DUS3L: variants seen among roughly 807,000 people sequenced by gnomAD.
DUS3L encodes the protein tRNA-dihydrouridine(47) synthase [NAD(P)(+)]-like.
DUS3L carries 62 observed loss-of-function variants against 74.6 expected under a neutral mutation model. The observed-to-expected ratio is 0.83, with a 90% CI of 0.68 to 1.03. DUS3L has a LOEUF of 1.03. Ranked by LOEUF, DUS3L falls within the 50% of genes least tolerant of loss-of-function variation. The pLI is 0.00. For synonymous variants in DUS3L, 433 were observed against 395.7 expected, an observed-to-expected ratio of 1.09 and a Z score of -1.12; for missense variants, 884 against 924.4, an observed-to-expected ratio of 0.96 and a Z score of 0.57.
At position 5,790,862 on chromosome 19, in the gene DUS3L, C is replaced by G. The variant is rs372946353; in HGVS notation, c.98+182G>C. On this transcript the variant is annotated intron_variant, in intron 1 of 12. Coordinates refer to ENST00000309061, the MANE Select transcript of DUS3L (RefSeq NM_020175.3). ...GGTGTCCTTCGCGCATGTGACAGGC[C>G]CCAACGTGCACGATCTCAGGTACCT... 1.7e-4 allele frequency: 110 copies of G among 637,204 alleles called. 1 individual carries two copies. The African/African-American group carries it at 1.9e-3, about 11-fold the overall frequency. The allele number at this position is 637,204 out of a possible 1,614,324, so 39.5% of individuals were successfully genotyped here.
chr19:5,788,702 GCT>G (rs2056879064), intron 3 of DUS3L, among the ~76,000 whole-genome samples: 1 of 144,146 alleles, frequency 6.9e-6, no homozygotes, highest in Admixed American at 6.9e-5. Flanking sequence ...AGTGTGTCCA[GCT>G]CTTTTTTTTT....
intron 1 of DUS3L, 97 bp from the exon 2 acceptor site, chr19:5,790,432 C>T (rs1371518237): frequency 4.1e-6 from 6 of 1,456,988 alleles, no homozygotes; most frequent in Non-Finnish European, 4.7e-6. Flanking sequence ...AATCCTTCTG[C>T]TGATGGGGAG....
rs2056846795 is a variant in DUS3L at position 5,786,786 on chromosome 19, C to T, written c.1449G>A (p.Glu483=). The part of the protein sequence containing the change: ...YTKLADWQYI[E]ECVQAASPMP... ...TGGGGCTGGCGGCCTGCACGCACTC[C>T]TCGATGTACTGCCAGTCGGCTAGCT... The change falls in exon 9 of 13, where the codon GAG becomes GAA. Residue 483 remains glutamate (E), a synonymous_variant. Transcript: ENST00000309061. 1.2e-6 allele frequency: 2 copies of T among 1,612,126 alleles called. No homozygotes were observed. The highest frequency in any genetic ancestry group is 1.7e-5 in the Admixed American group (1 of 59,956).
Position 5,788,387 on chromosome 19 carries a change from A to C in DUS3L, c.912T>G (p.Arg304=). Residue 304 remains arginine, a synonymous_variant, in exon 4 of 13, where the codon CGT becomes CGG. Transcript: ENST00000309061. ...RPCEKKRLDI[R]GKLYLAPLTT... ...TGAGGGGGGCCAGGTAAAGTTTGCCACGGATGTCCAGCTGGAGGGAAAAAA... is the reference window on the plus strand; with the variant it reads ...TGAGGGGGGCCAGGTAAAGTTTGCCCCGGATGTCCAGCTGGAGGGAAAAAA... 1 of 1,613,576 alleles carries C rather than the reference A, an allele frequency of 6.2e-7. No individual in the cohort carries two copies. Among genetic ancestry groups the C allele is most frequent in the Non-Finnish European group, 8.5e-7 (1 of 1,179,942 alleles).
intron 5 of DUS3L, 27 bp from the exon 6 acceptor site, chr19:5,787,732 A>G: frequency 6.2e-7 from 1 of 1,607,852 alleles, no homozygotes. Context: ...GCAGAACAGG[A>G]GGGTGAGGGG....
rs1465364208 is a variant in DUS3L at position 5,787,151 on chromosome 19, A to G, written c.1299T>C (p.Thr433=). ...CCTGGACGCCTGTGCGGATCTTCAC[A>G]GTCAGCGGCACATCCAGCACCTACA... ...GMNQVLDVPL[T]VKIRTGVQER... is the part of the protein sequence containing the mutation. Residue 433 remains threonine (T), a synonymous_variant, in exon 8 of 13, where the codon ACT becomes ACC. Coordinates refer to ENST00000309061, the MANE Select transcript of DUS3L (RefSeq NM_020175.3). The G allele has an allele frequency of 1.0e-6, 1 of 959,716 alleles. No individual in the cohort carries two copies. Among genetic ancestry groups the G allele is most frequent in the Non-Finnish European group, 1.2e-6 (1 of 822,052 alleles). The allele number at this position is 959,716 out of a possible 1,614,324, so 59.5% of individuals were successfully genotyped here.
At position 5,789,600 on chromosome 19, in the gene DUS3L, G is replaced by A. The variant is rs752986011; in HGVS notation, c.507C>T (p.Gly169=). The stretch of plus-strand genomic sequence containing the variant: ...GGCAGGTCACGCCGTAGGGGCACCG[G>A]CCGAAGGTCTCGAAGAGCACGCAGC... ...GPRCVLFETF[G]RCPYGVTCRF... Residue 169 remains glycine, a synonymous_variant, in exon 3 of 13, where the codon GGC becomes GGT. Transcript: ENST00000309061. 1 of 1,589,398 alleles carries A rather than the reference G, an allele frequency of 6.3e-7. No homozygotes were observed. Among genetic ancestry groups the A allele is most frequent in the South Asian group, 1.1e-5 (1 of 87,900 alleles).
intron 9 of DUS3L, 26 bp downstream of exon 9, chr19:5,786,723 G>A: frequency 6.2e-7 from 1 of 1,607,226 alleles, no homozygotes; most frequent in South Asian, 1.1e-5. Context: ...GTAGGGGAGA[G>A]GGAGGTGGCT....
intron 2 of DUS3L, 30 bp from the exon 3 acceptor site, chr19:5,789,749 G>A (rs1180113454): frequency 2.5e-6 from 4 of 1,575,638 alleles, no homozygotes; most frequent in Non-Finnish European, 3.4e-6. Context: ...CAGTGAGGGA[G>A]GACAGGGAGA....
At position 5,785,762 on chromosome 19, in the gene DUS3L, G is replaced by A. The variant is rs201456382; in HGVS notation, c.1592C>T (p.Thr531Met). The change falls in exon 11 of 13, where the codon ACG (threonine) becomes ATG (methionine). Residue 531 changes from threonine (T) to methionine (M), a missense_variant. Coordinates refer to ENST00000309061, the MANE Select transcript of DUS3L (RefSeq NM_020175.3). ...CCAGTGCCGCTGCTCCTTGATCTCC[G>A]TGAAGAGCCACGGCTTGAGCAGGGC... is the stretch of plus-strand genomic sequence containing the variant. ...RGALLKPWLF[T>M]EIKEQRHWDI... 326 of 1,608,226 alleles carry A rather than the reference G, an allele frequency of 2.0e-4. 4 individuals are homozygous for A. In the South Asian group the frequency reaches 2.9e-3, roughly 14 times the overall value.
chr19:5,786,229 G>A (rs1051949542), intron 10 of DUS3L, among the ~76,000 whole-genome samples: 4 of 152,170 alleles, frequency 2.6e-5, no homozygotes, highest in Admixed American at 6.5e-5. Context: ...GATTACAGGC[G>A]TGAGCCACAC....
intron 5 of DUS3L, 36 bp downstream of exon 5, chr19:5,787,988 C>G: frequency 6.2e-7 from 1 of 1,607,006 alleles, no homozygotes; most frequent in Admixed American, 1.7e-5. Flanking sequence ...CGGCCGAGGG[C>G]CCCTCCACTC....
rs756421679 is a variant in DUS3L at position 5,787,660 on chromosome 19, GCAGCTCGGCA to G, written c.1131_1140del (p.Ala378Ter). On this transcript the variant is annotated frameshift_variant, in exon 6 of 13. Coordinates refer to ENST00000309061, the MANE Select transcript of DUS3L (RefSeq NM_020175.3). LOFTEE classifies it high-confidence loss of function. ...AAGTCCACCTCCACGGTGCGGCTCA[GCAGCTCGGCA>G]CACTTGGTCATGGTGTCGGGGAAGG... 1.2e-6 allele frequency: 2 copies of G among 1,613,848 alleles called. No homozygotes were observed. Among genetic ancestry groups the G allele is most frequent in the Non-Finnish European group, 1.7e-6 (2 of 1,179,986 alleles).
rs769073529 is a variant in DUS3L at position 5,789,424 on chromosome 19, G to C, written c.683C>G (p.Ala228Gly). Residue 228 changes from alanine to glycine, a missense_variant, in exon 3 of 13, where the codon GCT becomes GGT. Coordinates refer to ENST00000309061, the MANE Select transcript of DUS3L (RefSeq NM_020175.3). ...LRKREVRFER[A>G]EQALRRFSQG... is the part of the protein sequence containing the mutation. ...GCTGAACCGGCGCAGGGCCTGCTCAGCTCGCTCGAAGCGGACCTCGCGCTT... is the reference window on the plus strand; with the variant it reads ...GCTGAACCGGCGCAGGGCCTGCTCACCTCGCTCGAAGCGGACCTCGCGCTT... 2.5e-6 allele frequency: 4 copies of C among 1,597,342 alleles called. No homozygotes were observed. Among genetic ancestry groups the C allele is most frequent in the South Asian group, 2.2e-5 (2 of 90,052 alleles).
rs1485153512 is a variant in DUS3L, at chr19:5,785,269, C to T, written c.1887G>A (p.Met629Ile). 3 of 1,611,222 alleles carry T rather than the reference C, an allele frequency of 1.9e-6. No homozygotes were observed. Among genetic ancestry groups the T allele is most frequent in the Admixed American group, 1.7e-5 (1 of 59,758 alleles). ...KAADWIRISEMLLGPVPPSFA... is the reference protein window; with the variant it reads ...KAADWIRISEILLGPVPPSFA... ...AGCTGGGGGGCACTGGCCCAAGGAG[C>T]ATCTCGCTGTGGGAGAGCAGGTGGA... Residue 629 changes from methionine to isoleucine, a missense_variant, in exon 13 of 13, where the codon ATG (methionine) becomes ATA (isoleucine). Met to Ile is a conservative substitution (Grantham distance 10, BLOSUM62 1). Transcript: ENST00000309061.
intron 10 of DUS3L, chr19:5,786,093 A>G (rs2056838887): frequency 4.2e-6 from 2 of 474,302 alleles, no homozygotes; most frequent in Admixed American, 7.7e-5. Context: ...TTGGGATTAC[A>G]GGCGTGTACC....
chr19:5,787,186 T>TGGGAGGTGGTGGAGACGGC lies in DUS3L; in HGVS notation c.1279-16_1279-15insGCCGTCTCCACCACCTCCC. 8.3e-7 allele frequency: 1 copy of TGGGAGGTGGTGGAGACGGC among 1,206,716 alleles called. No individual in the cohort carries two copies. Among genetic ancestry groups the TGGGAGGTGGTGGAGACGGC allele is most frequent in the Non-Finnish European group, 1.1e-6 (1 of 931,812 alleles). The allele number at this position is 1,206,716 out of a possible 1,614,324, so 74.8% of individuals were successfully genotyped here. On this transcript the variant is annotated splice_polypyrimidine_tract_variant and intron_variant, in intron 7 of 12. Transcript: ENST00000309061. Reference sequence around the variant, plus strand: ...ACATCCAGCACCTACAGGACGGTGGTGGGAGGTGGTGGGAGATGGTGGGAG... The same window carrying TGGGAGGTGGTGGAGACGGC: ...ACATCCAGCACCTACAGGACGGTGGTGGGAGGTGGTGGAGACGGCGGGAGGTGGTGGGAGATGGTGGGAG...
chr19:5,789,107 G>C, intron 3 of DUS3L, 100 bp downstream of exon 3: 1 of 1,463,372 alleles, frequency 6.8e-7, no homozygotes, highest in South Asian at 1.4e-5. Flanking sequence ...CACAGCCTCT[G>C]ACTCCCAGGC....
rs762219438 is a variant in DUS3L, at chr19:5,786,842, G to A, written c.1393C>T (p.His465Tyr). 1.2e-6 allele frequency: 2 copies of A among 1,607,332 alleles called. No homozygotes were observed. The highest frequency in any genetic ancestry group is 1.7e-6 in the Non-Finnish European group (2 of 1,177,864). The part of the protein sequence containing the change: ...RDWGVALVTL[H>Y]GRSREQRYTK... ...TAGCGCTGCTCCCGAGAGCGGCCGT[G>A]GAGCTGGGGGAGAAGCCGCCACGCA... Residue 465 changes from histidine to tyrosine, a missense_variant, in exon 9 of 13, where the codon CAC becomes TAC. His to Tyr is a moderately conservative substitution (Grantham distance 83). Transcript: ENST00000309061.
Sources: allele counts gnomAD v4.1 joint callset (sites outside exome capture counted in the v4.1 genomes callset), GRCh38; gene constraint gnomAD v4.1.1; transcripts MANE v1.5; gene names NCBI Gene and HGNC (gene_info 2026-07-23, HGNC 2026-07-21).